The following FAM81B variants were observed in gnomAD, a reference collection of about 807,000 sequenced individuals.
The protein encoded by FAM81B is protein FAM81B.
A neutral mutation model predicts 58.7 loss-of-function variants in FAM81B; 60 were observed. That is an observed-to-expected ratio of 1.02 (90% CI 0.83 to 1.27). The LOEUF is 1.27. Among genes scored for constraint, FAM81B ranks in the 50% most tolerant of loss-of-function variants. The pLI is 0.00. For synonymous variants in FAM81B, 189 were observed against 179.6 expected (o/e 1.05, Z -0.42); for missense variants, 491 against 522.0 (o/e 0.94, Z 0.58).
At chr5:95,417,114 T>A (rs1174344564) in intron 4 of FAM81B, among the ~76,000 whole-genome samples, 2 of 152,198 alleles carry the variant, frequency 1.3e-5, no homozygotes, top group Non-Finnish European at 2.9e-5. Flanking sequence ...TTCCATAGTA[T>A]CTATTCTTAG....
chr5:95,409,283 C>T (rs1263741067), intron 3 of FAM81B, among the ~76,000 whole-genome samples: 1 of 151,948 alleles, frequency 6.6e-6, no homozygotes, highest in African/African-American at 2.4e-5. Context: ...CTCTGCCTCC[C>T]GAGCGTCTGG....
chr5:95,445,801 C>A (rs2152770787), intron 7 of FAM81B, among the ~76,000 whole-genome samples: 2 of 152,220 alleles, frequency 1.3e-5, no homozygotes, highest in East Asian at 3.9e-4. Context: ...TCCCCAGGTT[C>A]TTTGGGGGCT....
At chr5:95,395,188 C>T (rs972833010) in intron 2 of FAM81B, among the ~76,000 whole-genome samples, 3 of 151,906 alleles carry the variant, frequency 2.0e-5, no homozygotes, top group Non-Finnish European at 4.4e-5. Context: ...GCCTGTAATC[C>T]CAGCACTTCG....
intron 4 of FAM81B, among the ~76,000 whole-genome samples, chr5:95,415,130 A>C (rs1762504388): frequency 6.6e-6 from 1 of 152,226 alleles, no homozygotes; most frequent in Non-Finnish European, 1.5e-5. Context: ...AATCAAGAGA[A>C]ACATGCTTGT....
intron 9 of FAM81B, chr5:95,448,793 G>A (rs1390085860): frequency 6.7e-6 from 3 of 450,102 alleles, no homozygotes; most frequent in African/African-American, 4.1e-5. Context: ...GACGTGACTT[G>A]TGGGTATGTT....
chr5:95,423,985 A>T (rs1280522457), intron 5 of FAM81B: 6 of 1,286,350 alleles, frequency 4.7e-6, no homozygotes, highest in Non-Finnish European at 6.1e-6. Context: ...CAGGTCAGCA[A>T]CACCAAACAG....
At chr5:95,402,137 T>C (rs1445205240) in intron 3 of FAM81B, among the ~76,000 whole-genome samples, 1 of 152,234 alleles carries the variant, frequency 6.6e-6, no homozygotes, top group Non-Finnish European at 1.5e-5. Flanking sequence ...ATCTTACTAC[T>C]AGGGAAAGCC....
At chr5:95,422,514 G>C (rs11135424) in intron 5 of FAM81B, among the ~76,000 whole-genome samples, 1 of 151,626 alleles carries the variant, frequency 6.6e-6, no homozygotes, top group African/African-American at 2.4e-5. Context: ...ACAGAGTCTC[G>C]CTCTGTCACC....
At chr5:95,446,812 CTT>C (rs200792409) in intron 8 of FAM81B, 115 bp downstream of exon 8, 336 of 1,111,156 alleles carry the variant, frequency 3.0e-4, no homozygotes, top group East Asian at 5.9e-4. Flanking sequence ...GCTTCAGTAA[CTT>C]TTTTTTTTTT....
At chr5:95,446,443 A>G (rs898135591) in intron 7 of FAM81B, 119 bp from the exon 8 acceptor site, 8 of 1,033,164 alleles carry the variant, frequency 7.7e-6, no homozygotes, top group Non-Finnish European at 1.1e-5. Flanking sequence ...ACATCACCCC[A>G]CAAATACTTG....
chr5:95,400,539 A>C (rs1762085295), intron 3 of FAM81B, among the ~76,000 whole-genome samples: 1 of 152,150 alleles, frequency 6.6e-6, no homozygotes, highest in Non-Finnish European at 1.5e-5. Context: ...TTAACTAATT[A>C]TATCTGCAAG....
chr5:95,430,281 C>T (rs1362439651), intron 6 of FAM81B, among the ~76,000 whole-genome samples: 2 of 151,886 alleles, frequency 1.3e-5, no homozygotes, highest in Admixed American at 1.3e-4. Flanking sequence ...CACAGGTAAG[C>T]ATTTTTATTA....
At chr5:95,403,621 G>A (rs1471680698) in intron 3 of FAM81B, among the ~76,000 whole-genome samples, 1 of 152,140 alleles carries the variant, frequency 6.6e-6, no homozygotes, top group Non-Finnish European at 1.5e-5. Flanking sequence ...AAGCAGCCAG[G>A]TGGTTTTTTT....
chr5:95,438,305 A>G (rs1745184377), intron 7 of FAM81B, among the ~76,000 whole-genome samples: 2 of 152,226 alleles, frequency 1.3e-5, no homozygotes. Flanking sequence ...TAAGACAAAG[A>G]AAACTGTCCA....
intron 6 of FAM81B, among the ~76,000 whole-genome samples, chr5:95,429,695 T>G (rs1171879784): frequency 6.6e-6 from 1 of 152,228 alleles, no homozygotes; most frequent in Non-Finnish European, 1.5e-5. Flanking sequence ...GGTTTTCTGA[T>G]TTAAGACTTC....
intron 6 of FAM81B, among the ~76,000 whole-genome samples, chr5:95,430,801 A>G (rs766965979): frequency 6.6e-6 from 1 of 151,982 alleles, no homozygotes; most frequent in Non-Finnish European, 1.5e-5. Context: ...CTTTCACCTC[A>G]TTGCACACCC....
intron 7 of FAM81B, among the ~76,000 whole-genome samples, chr5:95,444,867 T>G (rs1017386393): frequency 1.3e-5 from 2 of 152,192 alleles, no homozygotes; most frequent in Non-Finnish European, 2.9e-5. Flanking sequence ...GTATTTCAGC[T>G]GGATCATTCT....
rs528906497 is a variant in FAM81B at position 95,407,430 on chromosome 5, G to A, written c.294-6517G>A. Among the ~76,000 whole-genome samples, 56 of 142,320 alleles carry A rather than the reference G, an allele frequency of 3.9e-4. 1 individual carries two copies. The highest frequency in any genetic ancestry group is 5.9e-4 in the Non-Finnish European group (38 of 64,940). The allele number at this position is 142,320 out of a possible 152,430, so 93.4% of individuals were successfully genotyped here. The stretch of plus-strand genomic sequence containing the variant: ...CACACGCACACACACACGCGTGCGC[G>A]CACACAAACACACACGCACACCTGC... On this transcript the variant is annotated intron_variant, in intron 3 of 9. Transcript: ENST00000283357.
chr5:95,406,214 T>C (rs1296162243), intron 3 of FAM81B: 1 of 154,358 alleles, frequency 6.5e-6, no homozygotes, highest in Non-Finnish European at 1.5e-5. Context: ...GATTGGCGAA[T>C]AGAAGGCTTA....
Sources: gnomAD v4.1 joint callset for allele counts (sites outside exome capture counted in the v4.1 genomes callset) on GRCh38, gnomAD v4.1.1 for gene constraint, MANE v1.5 for transcripts, NCBI Gene and HGNC (gene_info 2026-07-23, HGNC 2026-07-21) for gene names.